ADAMTS20: variants seen among roughly 807,000 people sequenced by gnomAD.
ADAMTS20 encodes ADAM metallopeptidase with thrombospondin type 1 motif 20.
In ADAMTS20, 225 loss-of-function variants were observed where a neutral mutation model predicts 260.1. The ratio of observed to expected loss-of-function variants is 0.87; its 90% CI spans 0.78 to 0.97. ADAMTS20 has a LOEUF of 0.97. Ranked by LOEUF, ADAMTS20 falls within the 50% of genes least tolerant of loss-of-function variation. The pLI, the probability that ADAMTS20 is intolerant of heterozygous loss-of-function variation, is 0.00. For synonymous variants in ADAMTS20, 802 were observed against 769.5 expected (o/e 1.04, Z -0.70); for missense variants, 2,400 against 2,337.7 (o/e 1.03, Z -0.55).
intron 37 of ADAMTS20, among the ~76,000 whole-genome samples, chr12:43,360,292 T>A (rs570825143): frequency 3.2e-4 from 48 of 151,972 alleles, no homozygotes; most frequent in African/African-American, 9.4e-4. Context: ...CCACTAAAAA[T>A]ACAAAAATTA....
chr12:43,448,489 C>T (rs1941803081), intron 14 of ADAMTS20, among the ~76,000 whole-genome samples: 1 of 152,106 alleles, frequency 6.6e-6, no homozygotes, highest in Non-Finnish European at 1.5e-5. Context: ...AAAAAATCAA[C>T]TCATGATGGA....
intron 28 of ADAMTS20, among the ~76,000 whole-genome samples, chr12:43,400,712 TAA>T (rs1005736510): frequency 6.8e-6 from 1 of 147,544 alleles, no homozygotes; most frequent in Admixed American, 6.8e-5. Context: ...TATTCTATAC[TAA>T]AAAAAAAAAT....
At chr12:43,413,719 G>A (rs1384758481) in intron 28 of ADAMTS20, among the ~76,000 whole-genome samples, 3 of 152,048 alleles carry the variant, frequency 2.0e-5, no homozygotes, top group African/African-American at 7.2e-5. Flanking sequence ...ATTTTGAATG[G>A]ATTCTAACTT....
chr12:43,458,344 C>G (rs990657827), intron 11 of ADAMTS20, among the ~76,000 whole-genome samples: 1 of 152,222 alleles, frequency 6.6e-6, no homozygotes, highest in Admixed American at 6.5e-5. Flanking sequence ...CTGAGACGTT[C>G]CCAAGTTGAA....
intron 15 of ADAMTS20, among the ~76,000 whole-genome samples, chr12:43,445,345 A>G (rs1037648132): frequency 3.3e-5 from 5 of 152,198 alleles, no homozygotes; most frequent in African/African-American, 4.8e-5. Flanking sequence ...GAAGGGAATC[A>G]AATGTGTGTA....
intron 6 of ADAMTS20, 54 bp from the exon 7 acceptor site, chr12:43,490,489 G>A: frequency 1.0e-6 from 1 of 961,274 alleles, no homozygotes; most frequent in Non-Finnish European, 1.5e-6. Flanking sequence ...TTTGCAACAA[G>A]CCAAAATAAA....
At chr12:43,459,167 C>T (rs539595732) in intron 11 of ADAMTS20, among the ~76,000 whole-genome samples, 14 of 152,272 alleles carry the variant, frequency 9.2e-5, no homozygotes, top group African/African-American at 1.9e-4. Flanking sequence ...TTTCACTTGC[C>T]GCCTACCACT....
intron 3 of ADAMTS20, among the ~76,000 whole-genome samples, chr12:43,503,260 T>C (rs1942793789): frequency 6.6e-6 from 1 of 152,144 alleles, no homozygotes; most frequent in African/African-American, 2.4e-5. Flanking sequence ...CTGACAATTG[T>C]TTGGTGGTGG....
chr12:43,528,581 T>C (rs1943178910), intron 3 of ADAMTS20, among the ~76,000 whole-genome samples: 1 of 151,914 alleles, frequency 6.6e-6, no homozygotes, highest in Non-Finnish European at 1.5e-5. Flanking sequence ...GTTTAATAAA[T>C]AGTGGGAGAG....
chr12:43,409,806 G>A (rs1940999056), intron 28 of ADAMTS20, among the ~76,000 whole-genome samples: 1 of 151,868 alleles, frequency 6.6e-6, no homozygotes, highest in African/African-American at 2.4e-5. Context: ...AAGCACATTC[G>A]TTAACACTAA....
intron 36 of ADAMTS20, 109 bp downstream of exon 36, chr12:43,375,270 A>G: frequency 8.4e-7 from 1 of 1,189,136 alleles, no homozygotes; most frequent in Admixed American, 3.0e-5. Context: ...ATTTTTGCAC[A>G]ATGTCAGGTC....
intron 28 of ADAMTS20, among the ~76,000 whole-genome samples, chr12:43,404,102 A>G (rs1940866075): frequency 6.6e-6 from 1 of 151,898 alleles, no homozygotes; most frequent in Non-Finnish European, 1.5e-5. Flanking sequence ...TATACTCAGT[A>G]CACCTGAAAG....
chr12:43,452,214 G>GA (rs568752351), intron 14 of ADAMTS20, 60 bp downstream of exon 14: 81 of 1,495,940 alleles, frequency 5.4e-5, no homozygotes, highest in African/African-American at 2.4e-4. Flanking sequence ...TATATAAATC[G>GA]AAAAAAAACA....
At chr12:43,430,505 G>A in intron 22 of ADAMTS20, 34 bp from the exon 23 acceptor site, 1 of 1,582,232 alleles carries the variant, frequency 6.3e-7, no homozygotes, top group Non-Finnish European at 8.6e-7. Context: ...AAAAAACATT[G>A]TTTCCCAAAA....
chr12:43,370,684 C>T (rs1307338749), intron 36 of ADAMTS20, among the ~76,000 whole-genome samples: 1 of 152,210 alleles, frequency 6.6e-6, no homozygotes, highest in Non-Finnish European at 1.5e-5. Context: ...TGTAATTTAA[C>T]ATGTTCAAAG....
chr12:43,451,141 C>G (rs1461718782), intron 14 of ADAMTS20, among the ~76,000 whole-genome samples: 1 of 152,090 alleles, frequency 6.6e-6, no homozygotes, highest in Non-Finnish European at 1.5e-5. Flanking sequence ...CATGGATGAA[C>G]CTGGAGGACA....
intron 3 of ADAMTS20, among the ~76,000 whole-genome samples, chr12:43,507,211 C>A (rs754620756): frequency 5.9e-5 from 9 of 151,934 alleles, no homozygotes; most frequent in African/African-American, 2.2e-4. Flanking sequence ...ATGATGTATA[C>A]CTTGAATATA....
At chr12:43,357,533 T>C (rs538019435) in intron 37 of ADAMTS20, among the ~76,000 whole-genome samples, 89 of 152,336 alleles carry the variant, frequency 5.8e-4, no homozygotes, top group African/African-American at 2.0e-3. Context: ...TTGGATTTCT[T>C]AGCAATCTTA....
chr12:43,535,535 G>A (rs1359521070), intron 2 of ADAMTS20, among the ~76,000 whole-genome samples: 1 of 152,116 alleles, frequency 6.6e-6, no homozygotes, highest in Admixed American at 6.6e-5. Flanking sequence ...ACAAATTCCA[G>A]TAAGGTTGTC....
Sources: gnomAD v4.1 joint callset for allele counts (sites outside exome capture counted in the v4.1 genomes callset) on GRCh38, gnomAD v4.1.1 for gene constraint, MANE v1.5 for transcripts, NCBI Gene and HGNC (gene_info 2026-07-23, HGNC 2026-07-21) for gene names.